The following MAP2K7 variants were observed in gnomAD, a reference collection of about 807,000 sequenced individuals.
MAP2K7 encodes mitogen-activated protein kinase kinase 7, also known as dual specificity mitogen-activated protein kinase kinase 7.
A neutral mutation model predicts 47.7 loss-of-function variants in MAP2K7; 12 were observed. The observed-to-expected ratio is 0.25, with a 90% CI of 0.16 to 0.41. MAP2K7 has a LOEUF of 0.41. MAP2K7 is among the 10% of genes least tolerant of loss of function. The pLI, the probability that MAP2K7 is intolerant of heterozygous loss-of-function variation, is 1.00. For synonymous variants in MAP2K7, 299 were observed against 243.0 expected (o/e 1.23, Z -2.14); for missense variants, 415 against 600.3 (o/e 0.69, Z 3.23).
At chr19:7,910,222 A>G in intron 3 of MAP2K7, 38 bp from the exon 4 acceptor site, 1 of 1,606,566 alleles carries the variant, frequency 6.2e-7, no homozygotes, top group East Asian at 2.2e-5. Context: ...GCGGTGGCAG[A>G]GGCCCCAGGG....
chr19:7,904,526 C>T, intron 1 of MAP2K7: 1 of 267,020 alleles, frequency 3.7e-6, no homozygotes, highest in South Asian at 2.7e-5. Flanking sequence ...CACACGCGCA[C>T]GCCTGGCTCG....
chr19:7,904,971 G>T (rs895294983), intron 1 of MAP2K7, among the ~76,000 whole-genome samples: 2 of 151,300 alleles, frequency 1.3e-5, no homozygotes, highest in Admixed American at 1.3e-4. Context: ...CACCACCTCG[G>T]TACCTACCTC....
chr19:7,907,942 G>A (rs8105515), intron 1 of MAP2K7, among the ~76,000 whole-genome samples: 2,424 of 152,228 alleles, frequency 0.016, 68 homozygotes, highest in African/African-American at 0.055. Flanking sequence ...GAGCAGAGGC[G>A]CAGGGACCTG....
chr19:7,908,968 C>G (rs915724916), intron 1 of MAP2K7, among the ~76,000 whole-genome samples: 1 of 152,296 alleles, frequency 6.6e-6, no homozygotes, highest in African/African-American at 2.4e-5. Flanking sequence ...CCTGCCCACC[C>G]GCTGTAGCAT....
In MAP2K7 at chr19:7,903,925, C is replaced by T. The variant is rs1568272898; in HGVS notation, c.-20C>T. 11 of 1,500,884 alleles carry T rather than the reference C, an allele frequency of 7.3e-6. No homozygotes were observed. Among genetic ancestry groups the T allele is most frequent in the East Asian group, 2.7e-5 (1 of 36,574 alleles). The allele number at this position is 1,500,884 out of a possible 1,614,324, so 93.0% of individuals were successfully genotyped here. A position where few individuals can be genotyped will look rare whatever the true frequency, so the allele number is the denominator to read the frequency against. ...TGACGGGCGGCCGGGCGGTGCGCGG[C>T]GGCGGTGGCGGCGGGGAAGATGGCG... On this transcript the variant is annotated 5_prime_UTR_variant, in exon 1 of 11. Transcript: ENST00000397979.
Position 7,911,165 on chromosome 19 carries a change from T to TG in MAP2K7, c.855+11dup. 6.4e-7 allele frequency: 1 copy of TG among 1,557,044 alleles called. No individual in the cohort carries two copies. Among genetic ancestry groups the TG allele is most frequent in the Admixed American group, 1.7e-5 (1 of 57,526 alleles). On this transcript the variant is annotated splice_region_variant and intron_variant, in intron 7 of 10. Coordinates refer to ENST00000397979, the MANE Select transcript of MAP2K7 (RefSeq NM_145185.4). ...GCTGTGCCGCCTACATGGCAGTGAGTGGGGGCCCCCCAGCGGGGGAGGGGG... is the reference window on the plus strand; with the variant it reads ...GCTGTGCCGCCTACATGGCAGTGAGTGGGGGGCCCCCCAGCGGGGGAGGGGG...
rs1599633233 is a variant in MAP2K7 at position 7,914,024 on chromosome 19, T to A, written c.*1593T>A. 1.3e-5 allele frequency: 2 copies of A among 151,824 alleles called. No individual in the cohort carries two copies. The highest frequency in any genetic ancestry group is 4.8e-5 in the African/African-American group (2 of 41,338). 9.4% of individuals were successfully genotyped at this position (151,824 alleles called of 1,614,324 possible). ...TGGCCCCTTTGTCAGGGGCCAGGGGTCTGCCGGGTGGGGGTGCCAACAGGC... is the reference window on the plus strand; with the variant it reads ...TGGCCCCTTTGTCAGGGGCCAGGGGACTGCCGGGTGGGGGTGCCAACAGGC... On this transcript the variant is annotated 3_prime_UTR_variant, in exon 11 of 11. Coordinates refer to ENST00000397979, the MANE Select transcript of MAP2K7 (RefSeq NM_145185.4).
rs1982706785 is a variant in MAP2K7 at position 7,909,880 on chromosome 19, C to A, written c.250C>A (p.Pro84Thr). 6.5e-7 allele frequency: 1 copy of A among 1,528,388 alleles called. No homozygotes were observed. Among genetic ancestry groups the A allele is most frequent in the Non-Finnish European group, 8.8e-7 (1 of 1,135,602 alleles). 94.7% of individuals were successfully genotyped at this position (1,528,388 alleles called of 1,614,324 possible). The change falls in exon 2 of 11, where the codon CCC becomes ACC. Residue 84 changes from proline to threonine, a missense_variant. By Grantham distance (38) the Pro-to-Thr change is conservative. Transcript: ENST00000397979. ...MLGLPSTLFT[P>T]RSMESIEIDQ... ...GGGGCTCCCGTCAACCCTGTTCACA[C>A]CCCGCAGCATGGAGAGGTGAGCCAG...
rs56316660 is a variant in MAP2K7, at chr19:7,910,279, A to G, written c.353A>G (p.Asn118Ser). Residue 118 changes from asparagine (N) to serine (S), a missense_variant, in exon 4 of 11, where the codon AAC (asparagine) becomes AGC (serine). Physicochemically the swap from Asn to Ser is conservative, Grantham distance 46. This residue lies in a region of MAP2K7 where 206 missense variants were observed against 368.8 expected (regional missense o/e 0.56). Transcript: ENST00000397979. The part of the protein sequence containing the change: ...IGGQRYQAEI[N>S]DLENLGEMGS... ...TCCCAGCGCTACCAGGCAGAAATCA[A>G]CGACCTGGAGAACTTGGGCGAGATG... 8.7e-6 allele frequency: 14 copies of G among 1,613,060 alleles called. No individual in the cohort carries two copies. Among genetic ancestry groups the G allele is most frequent in the Middle Eastern group, 1.6e-4 (1 of 6,084 alleles).
chr19:7,909,676 CT>C (rs1335672268), intron 1 of MAP2K7, 78 bp from the exon 2 acceptor site: 35 of 838,594 alleles, frequency 4.2e-5, no homozygotes, highest in Non-Finnish European at 6.4e-5. Flanking sequence ...GTCCCGACCC[CT>C]CCCTGGAGTG....
chr19:7,905,354 G>C (rs577954194), intron 1 of MAP2K7, among the ~76,000 whole-genome samples: 5 of 152,250 alleles, frequency 3.3e-5, no homozygotes, highest in African/African-American at 4.8e-5. Context: ...CTCCTGACCT[G>C]AGTCAGCGTG....
At chr19:7,911,659 G>A (rs2145144535) in intron 9 of MAP2K7, 81 bp downstream of exon 9, 2 of 1,387,828 alleles carry the variant, frequency 1.4e-6, no homozygotes, top group South Asian at 1.3e-5. Context: ...GGAGGGGAAT[G>A]GAGGCCGCAC....
intron 1 of MAP2K7, chr19:7,906,187 G>T: frequency 2.9e-6 from 1 of 349,686 alleles, no homozygotes; most frequent in Non-Finnish European, 5.4e-6. Flanking sequence ...GAACGAGAAA[G>T]TTGGGCCTGG....
Position 7,912,823 on chromosome 19 carries a change from T to C in MAP2K7, c.*392T>C. 4.2e-6 allele frequency: 1 copy of C among 238,518 alleles called. No individual in the cohort carries two copies. The highest frequency in any genetic ancestry group is 8.3e-6 in the Non-Finnish European group (1 of 119,820). The allele number at this position is 238,518 out of a possible 1,614,324, so 14.8% of individuals were successfully genotyped here. ...TTCGCCACTCCCACGCGCCCGTTCC[T>C]CTTCCGTCGCCCTCTGTCCCCTGCT... On this transcript the variant is annotated 3_prime_UTR_variant, in exon 11 of 11. Transcript: ENST00000397979.
chr19:7,905,634 A>G (rs1208801987), intron 1 of MAP2K7, among the ~76,000 whole-genome samples: 3 of 148,528 alleles, frequency 2.0e-5, no homozygotes, highest in South Asian at 4.3e-4. Flanking sequence ...GTCTGTGTCA[A>G]CTCCATCCCA....
chr19:7,905,444 A>G (rs1157084857), intron 1 of MAP2K7, among the ~76,000 whole-genome samples: 1 of 152,166 alleles, frequency 6.6e-6, no homozygotes, highest in Non-Finnish European at 1.5e-5. Flanking sequence ...TGCCTGAGAC[A>G]AGAAGCCCAG....
At position 7,910,027 on chromosome 19, in the gene MAP2K7, G is replaced by A. The variant is rs1390414628; in HGVS notation, c.267-36G>A. 1.4e-5 allele frequency: 22 copies of A among 1,568,450 alleles called. No individual in the cohort carries two copies. The East Asian group carries it at 1.9e-4, about 13-fold the overall frequency. On this transcript the variant is annotated intron_variant, in intron 2 of 10. Coordinates refer to ENST00000397979, the MANE Select transcript of MAP2K7 (RefSeq NM_145185.4). Reference sequence around the variant, plus strand: ...ACTGGGGTGGCCAACCTAAGGTCAGGACCCACCTCCACCGGCACCTGCTCC... The same window carrying A: ...ACTGGGGTGGCCAACCTAAGGTCAGAACCCACCTCCACCGGCACCTGCTCC...
chr19:7,904,842 A>G (rs1982343372), intron 1 of MAP2K7, among the ~76,000 whole-genome samples: 1 of 151,914 alleles, frequency 6.6e-6, no homozygotes, highest in Non-Finnish European at 1.5e-5. Context: ...TGTTCAAGTG[A>G]TGGCTCCCCT....
rs746206114 is a variant in MAP2K7 at position 7,912,455 on chromosome 19, CAG to C, written c.*25_*26del. On this transcript the variant is annotated 3_prime_UTR_variant, in exon 11 of 11. Coordinates refer to ENST00000397979, the MANE Select transcript of MAP2K7 (RefSeq NM_145185.4). The stretch of plus-strand genomic sequence containing the variant: ...AGCTGCTTGGCGGCGGCCAGCCCCA[CAG>C]GGGGCCAGGGGCATGGCCACAGGCC... 68 of 1,595,510 alleles carry C rather than the reference CAG, an allele frequency of 4.3e-5. No individual in the cohort carries two copies. Among genetic ancestry groups the C allele is most frequent in the African/African-American group, 1.6e-4 (12 of 74,630 alleles).
Sources: gnomAD v4.1 joint callset for allele counts (sites outside exome capture counted in the v4.1 genomes callset) on GRCh38, gnomAD v4.1.1 for gene constraint, gnomAD v4.1.1 regional missense constraint, MANE v1.5 for transcripts, NCBI Gene and HGNC (gene_info 2026-07-23, HGNC 2026-07-21) for gene names.